PARN: variants seen among roughly 807,000 people sequenced by gnomAD.
The protein encoded by PARN is poly(A)-specific ribonuclease.
Under a neutral mutation model 102.8 loss-of-function variants are expected in PARN, and 71 were observed. That is an observed-to-expected ratio of 0.69 (90% CI 0.57 to 0.84). The LOEUF is 0.84. Among genes scored for constraint, PARN ranks in the 40% least tolerant of loss-of-function variants. PARN has a pLI of 0.00. For missense variants in PARN, 782 were observed against 760.9 expected, an observed-to-expected ratio of 1.03 and a Z score of -0.33; for synonymous variants, 261 against 252.9, an observed-to-expected ratio of 1.03 and a Z score of -0.30.
At chr16:14,612,400 G>A (rs957606636) in intron 6 of PARN, among the ~76,000 whole-genome samples, 19 of 151,638 alleles carry the variant, frequency 1.3e-4, no homozygotes, top group East Asian at 3.9e-4. Context: ...TCGTGCCACC[G>A]CACTTCAGCC....
At chr16:14,526,466 C>T (rs1780062061) in intron 21 of PARN, among the ~76,000 whole-genome samples, 1 of 152,112 alleles carries the variant, frequency 6.6e-6, no homozygotes, top group South Asian at 2.1e-4. Context: ...CATGAGCCAC[C>T]GTGCCCGGCC....
chr16:14,512,145 G>A (rs1470062265), intron 21 of PARN, among the ~76,000 whole-genome samples: 6 of 152,152 alleles, frequency 3.9e-5, no homozygotes, highest in African/African-American at 1.4e-4. Flanking sequence ...CCACTGTGTA[G>A]CTAAGAATTA....
chr16:14,565,468 C>T (rs1968373306), intron 18 of PARN, among the ~76,000 whole-genome samples: 1 of 149,530 alleles, frequency 6.7e-6, no homozygotes, highest in South Asian at 2.1e-4. Context: ...TCAACAGTCT[C>T]CAAATGAAGC....
At chr16:14,493,740 AG>A (rs1964172685) in intron 21 of PARN, among the ~76,000 whole-genome samples, 1 of 152,342 alleles carries the variant, frequency 6.6e-6, no homozygotes, top group South Asian at 2.1e-4. Flanking sequence ...AGGCTGACTG[AG>A]AGGTGGAAGA....
chr16:14,531,351 G>C (rs1247679769), intron 21 of PARN, among the ~76,000 whole-genome samples: 1 of 147,188 alleles, frequency 6.8e-6, no homozygotes, highest in Admixed American at 6.8e-5. Flanking sequence ...GACAGCACAA[G>C]ACTCCATCTC....
chr16:14,579,389 G>C (rs1969363823), intron 18 of PARN, among the ~76,000 whole-genome samples: 1 of 152,156 alleles, frequency 6.6e-6, no homozygotes, highest in South Asian at 2.1e-4. Context: ...ATTTTATAAG[G>C]AGCTGACTTT....
chr16:14,566,448 C>T (rs1465394628), intron 18 of PARN, among the ~76,000 whole-genome samples: 1 of 152,174 alleles, frequency 6.6e-6, no homozygotes, highest in Non-Finnish European at 1.5e-5. Context: ...AGATTCTTCC[C>T]CAGAGCCTCT....
chr16:14,617,683 G>C (rs924789858), intron 5 of PARN, 33 bp from the exon 6 acceptor site: 3 of 1,289,204 alleles, frequency 2.3e-6, no homozygotes, highest in Non-Finnish European at 2.3e-6. Flanking sequence ...CATGTTTTGG[G>C]GATGTTAGCG....
chr16:14,503,047 A>C (rs1442705846), intron 21 of PARN, among the ~76,000 whole-genome samples: 1 of 152,218 alleles, frequency 6.6e-6, no homozygotes. Flanking sequence ...AAGACGGTAG[A>C]GATATTTCAC....
intron 1 of PARN, 48 bp from the exon 2 acceptor site, chr16:14,629,722 G>A: frequency 1.4e-6 from 2 of 1,391,226 alleles, no homozygotes; most frequent in Non-Finnish European, 2.0e-6. Flanking sequence ...CTGAATTCCT[G>A]CTAAGGGGAG....
chr16:14,596,802 T>C (rs897747114), intron 12 of PARN, among the ~76,000 whole-genome samples: 1 of 151,670 alleles, frequency 6.6e-6, no homozygotes, highest in East Asian at 1.9e-4. Flanking sequence ...TTTTTTTTTT[T>C]TCGAGACAGG....
chr16:14,606,851 G>A (rs1262524617), intron 9 of PARN, among the ~76,000 whole-genome samples: 1 of 150,238 alleles, frequency 6.7e-6, no homozygotes, highest in African/African-American at 2.5e-5. Context: ...GCGCGATCTC[G>A]GCTCACTGCA....
chr16:14,491,543 C>T (rs528034442), intron 21 of PARN, among the ~76,000 whole-genome samples: 2 of 152,150 alleles, frequency 1.3e-5, no homozygotes, highest in African/African-American at 2.4e-5. Flanking sequence ...GTGGGAGGAT[C>T]GCTTAAGCCC....
intron 22 of PARN, among the ~76,000 whole-genome samples, chr16:14,447,548 T>C (rs1385452578): frequency 6.6e-6 from 1 of 152,242 alleles, no homozygotes; most frequent in Admixed American, 6.5e-5. Flanking sequence ...GCTTAAAACT[T>C]GGACATAGCT....
At chr16:14,564,552 G>A (rs1223799406) in intron 18 of PARN, among the ~76,000 whole-genome samples, 1 of 152,194 alleles carries the variant, frequency 6.6e-6, no homozygotes, top group African/African-American at 2.4e-5. Context: ...TCAGGAAAAC[G>A]AGTGAATCAG....
chr16:14,447,057 T>C lies in PARN; in HGVS notation c.1695A>G (p.Gly565=). ...CTTGACTAGGACTCAAATTTCTCTT[T>C]CCTACTGTGCTGGGAGCTGTAAAAC... ...NNSFTAPSTV[G]KRNLSPSQEE... Residue 565 remains glycine, a synonymous_variant, in exon 23 of 24, where the codon GGA becomes GGG. Coordinates refer to ENST00000437198, the MANE Select transcript of PARN (RefSeq NM_002582.4). 6.2e-7 allele frequency: 1 copy of C among 1,613,752 alleles called. No individual in the cohort carries two copies.
chr16:14,440,556 T>C (rs1308846914), intron 23 of PARN, among the ~76,000 whole-genome samples: 1 of 152,186 alleles, frequency 6.6e-6, no homozygotes, highest in African/African-American at 2.4e-5. Context: ...TGTACACAAA[T>C]ATTTATAGCA....
intron 23 of PARN, among the ~76,000 whole-genome samples, chr16:14,442,314 AG>A (rs1199951978): frequency 2.6e-5 from 4 of 152,176 alleles, no homozygotes; most frequent in Non-Finnish European, 5.9e-5. Flanking sequence ...CTGGGAAAAC[AG>A]CCACACTTCC....
chr16:14,541,021 T>G lies in PARN; in HGVS notation c.1480+11000A>C, dbSNP rs982954108. Among the ~76,000 whole-genome samples, 4 of 151,848 alleles carry G rather than the reference T, an allele frequency of 2.6e-5. 1 individual carries two copies. The highest frequency in any genetic ancestry group is 3.4e-3 in the Middle Eastern group (1 of 294). ...AAGCACAGATTTCGGCCAAACACAG[T>G]GGCTCATGCCTGTAATCCTAGCACT... On this transcript the variant is annotated intron_variant, in intron 21 of 23. Transcript: ENST00000437198.
Sources: allele counts gnomAD v4.1 joint callset (sites outside exome capture counted in the v4.1 genomes callset), GRCh38; gene constraint gnomAD v4.1.1; transcripts MANE v1.5; gene names NCBI Gene and HGNC (gene_info 2026-07-23, HGNC 2026-07-21).